Variants in ANKMY1 observed in about 807,000 individuals in gnomAD.
ANKMY1 encodes ankyrin repeat and MYND domain-containing protein 1.
Under a neutral mutation model 102.0 loss-of-function variants are expected in ANKMY1, and 98 were observed. The observed-to-expected ratio is 0.96, with a 90% CI of 0.82 to 1.14. ANKMY1 has a LOEUF of 1.14. Ranked by LOEUF, ANKMY1 falls within the 50% of genes most tolerant of loss-of-function variation. ANKMY1 has a pLI of 0.00. For missense variants in ANKMY1, 1,330 were observed against 1,347.6 expected, an observed-to-expected ratio of 0.99 and a Z score of 0.20; for synonymous variants, 582 against 559.9, an observed-to-expected ratio of 1.04 and a Z score of -0.56.
At position 240,547,549 on chromosome 2, in the gene ANKMY1, C is replaced by T. The variant is rs2090633442; in HGVS notation, c.480+5365G>A. ...GAAGGAAATAGAGACACAAAAAACCCTTCAAAAAATTAATGAATCCAGGAG... is the reference window on the plus strand; with the variant it reads ...GAAGGAAATAGAGACACAAAAAACCTTTCAAAAAATTAATGAATCCAGGAG... On this transcript the variant is annotated intron_variant, in intron 4 of 17. Transcript: ENST00000401804. Among the ~76,000 whole-genome samples, 3 of 144,634 alleles carry T rather than the reference C, an allele frequency of 2.1e-5. No individual in the cohort carries two copies. The South Asian group carries it at 7.0e-4, about 34-fold the overall frequency. 94.9% of individuals were successfully genotyped at this position (144,634 alleles called of 152,430 possible).
At chr2:240,517,609 A>C (rs530123064) in intron 9 of ANKMY1, among the ~76,000 whole-genome samples, 3 of 152,272 alleles carry the variant, frequency 2.0e-5, no homozygotes, top group African/African-American at 7.2e-5. Flanking sequence ...CAGGAGTTTG[A>C]GACCAACCTG....
At chr2:240,501,646 C>T (rs552479027) in intron 13 of ANKMY1, among the ~76,000 whole-genome samples, 132 of 152,342 alleles carry the variant, frequency 8.7e-4, no homozygotes, top group African/African-American at 2.8e-3. Context: ...ACACATTCCA[C>T]GCAAACACTG....
chr2:240,534,164 T>G (rs535610696), intron 4 of ANKMY1, among the ~76,000 whole-genome samples: 2 of 152,318 alleles, frequency 1.3e-5, no homozygotes, highest in East Asian at 1.9e-4. Flanking sequence ...ATCCACAGTT[T>G]CAGGCATCCA....
chr2:240,474,200 A>G, the ANKMY1 span, among the ~76,000 whole-genome samples: 1 of 149,064 alleles, frequency 6.7e-6, no homozygotes, highest in Non-Finnish European at 1.5e-5. Flanking sequence ...GGTCCATGCC[A>G]TTCTCCTGCC....
In ANKMY1 at chr2:240,482,176, C is replaced by G. The variant is rs758584713; in HGVS notation, c.2885+7G>C. 5 of 1,612,184 alleles carry G rather than the reference C, an allele frequency of 3.1e-6. No individual in the cohort carries two copies. Among genetic ancestry groups the G allele is most frequent in the Non-Finnish European group, 4.2e-6 (5 of 1,179,120 alleles). Reference sequence around the variant, plus strand: ...CTGGAAAGAACCCAGCCTGCAGACACACTTACTGCCCCTGCTCCTTCACAT... The same window carrying G: ...CTGGAAAGAACCCAGCCTGCAGACAGACTTACTGCCCCTGCTCCTTCACAT... On this transcript the variant is annotated splice_region_variant and intron_variant, in intron 16 of 17. Transcript: ENST00000401804.
intron 15 of ANKMY1, among the ~76,000 whole-genome samples, chr2:240,491,504 C>T (rs1000098184): frequency 1.3e-5 from 2 of 152,142 alleles, no homozygotes; most frequent in Non-Finnish European, 2.9e-5. Context: ...AACTGCTTTG[C>T]CAGTGACTTT....
Position 240,506,734 on chromosome 2 carries a change from C to T in ANKMY1, c.2526+826G>A, listed in dbSNP as rs1419423702. 3.3e-5 allele frequency among the ~76,000 whole-genome samples: 5 copies of T among 151,728 alleles called. No homozygotes were observed. Among genetic ancestry groups the T allele is most frequent in the Non-Finnish European group, 7.4e-5 (5 of 67,970 alleles). On this transcript the variant is annotated intron_variant, in intron 13 of 17. Coordinates refer to ENST00000401804, the MANE Select transcript of ANKMY1 (RefSeq NM_001282771.3). This position sits in a 1 kb window ranked among gnomAD's most constrained non-coding sequence, Gnocchi z 4.9. ...CAAGATGGATTGAGGAAAGCAAGGT[C>T]GTGGGTGGTGCCCACAGCGGACACA...
chr2:240,549,001 T>C (rs2090989790), intron 4 of ANKMY1, among the ~76,000 whole-genome samples: 1 of 151,934 alleles, frequency 6.6e-6, no homozygotes, highest in Admixed American at 6.6e-5. Flanking sequence ...CTTCACAAAA[T>C]TGGAAAAAAC....
intron 13 of ANKMY1, among the ~76,000 whole-genome samples, chr2:240,505,776 C>T (rs542746614): frequency 6.6e-6 from 1 of 152,278 alleles, no homozygotes; most frequent in South Asian, 2.1e-4. Flanking sequence ...GAAGCCCAGT[C>T]AGCTGATTTC....
chr2:240,474,026 A>G, the ANKMY1 span, among the ~76,000 whole-genome samples: 2 of 152,184 alleles, frequency 1.3e-5, no homozygotes, highest in African/African-American at 4.8e-5. Context: ...AGCAATTAGC[A>G]AGAAAGGAAA....
chr2:240,495,326 G>A (rs1237199420), intron 15 of ANKMY1, among the ~76,000 whole-genome samples: 2 of 150,796 alleles, frequency 1.3e-5, no homozygotes, highest in Non-Finnish European at 3.0e-5. Flanking sequence ...CCTGACTGAT[G>A]TCAGGCCCGC....
intron 15 of ANKMY1, among the ~76,000 whole-genome samples, chr2:240,498,616 G>A (rs1353573375): frequency 6.6e-6 from 1 of 152,006 alleles, no homozygotes; most frequent in East Asian, 1.9e-4. Context: ...GCCTGTGGCT[G>A]GCTAAATATT....
intron 15 of ANKMY1, among the ~76,000 whole-genome samples, chr2:240,482,918 TC>T (rs1410328388): frequency 1.3e-5 from 2 of 152,236 alleles, no homozygotes; most frequent in African/African-American, 4.8e-5. Context: ...TGTTGAGTTA[TC>T]TGTTTCTCCA....
chr2:240,485,448 G>A (rs1211002597), intron 15 of ANKMY1, among the ~76,000 whole-genome samples: 1 of 152,196 alleles, frequency 6.6e-6, no homozygotes, highest in Non-Finnish European at 1.5e-5. Context: ...CATTGTGGAA[G>A]ACAGTATGGT....
In ANKMY1 at chr2:240,500,509, C is replaced by T. The variant is rs1258348465; in HGVS notation, c.2583G>A (p.Gln861=). The part of the protein sequence containing the change: ...ADILKPVMLR[Q]GEKEAVGTAV... ...CTGTGCCCACTGCCTCCTTTTCTCC[C>T]TGCCTGAGCATTACAGGCTTCAGGA... is the stretch of plus-strand genomic sequence containing the variant. Residue 861 remains glutamine (Q), a synonymous_variant, in exon 14 of 18, where the codon CAG becomes CAA. Coordinates refer to ENST00000401804, the MANE Select transcript of ANKMY1 (RefSeq NM_001282771.3). 2 of 1,614,186 alleles carry T rather than the reference C, an allele frequency of 1.2e-6. No homozygotes were observed. The highest frequency in any genetic ancestry group is 1.7e-6 in the Non-Finnish European group (2 of 1,180,000).
intron 7 of ANKMY1, 106 bp downstream of exon 7, chr2:240,525,579 G>A (rs2083192298): frequency 2.9e-6 from 4 of 1,395,714 alleles, no homozygotes; most frequent in Non-Finnish European, 3.9e-6. Context: ...AACTCACCCT[G>A]TACAAGCCTG....
chr2:240,529,039 GA>G lies in ANKMY1; in HGVS notation c.950del (p.Phe317SerfsTer36), dbSNP rs2084597859. 4 of 1,613,786 alleles carry G rather than the reference GA, an allele frequency of 2.5e-6. No homozygotes were observed. The highest frequency in any genetic ancestry group is 3.4e-6 in the Non-Finnish European group (4 of 1,179,760). On this transcript the variant is annotated frameshift_variant, in exon 5 of 18. Coordinates refer to ENST00000401804, the MANE Select transcript of ANKMY1 (RefSeq NM_001282771.3). LOFTEE classifies it high-confidence loss of function. This position sits in a 1 kb window ranked among gnomAD's most constrained non-coding sequence, Gnocchi z 4.2. ...AGGAGCAGTAGCAGACTAGTCACCT[GA>G]ACTTGTAAGTTTGCTTCTGGATTTT... Reference protein sequence around the residue: ...LVKIQKQTYKFRNKPAHTSWN... With the variant: ...LVKIQKQTYKXRNKPAHTSWN...
intron 15 of ANKMY1, among the ~76,000 whole-genome samples, chr2:240,491,091 C>CTTTTTTTTTTTTTT (rs200434647): frequency 7.7e-6 from 1 of 129,582 alleles, no homozygotes. Flanking sequence ...ATGACTTTGT[C>CTTTTTTTTTTTTTT]TTTTTTTTTT....
intron 4 of ANKMY1, among the ~76,000 whole-genome samples, chr2:240,548,050 G>A (rs987901604): frequency 6.6e-6 from 1 of 152,150 alleles, no homozygotes; most frequent in African/African-American, 2.4e-5. Context: ...GCCGGGCAGA[G>A]ACACAACCAA....
Sources: gnomAD v4.1 joint callset for allele counts (sites outside exome capture counted in the v4.1 genomes callset) on GRCh38, gnomAD v4.1.1 for gene constraint, Gnocchi (gnomAD v3.1) non-coding constraint, MANE v1.5 for transcripts, NCBI Gene and HGNC (gene_info 2026-07-23, HGNC 2026-07-21) for gene names.